SYT16: variants seen among roughly 807,000 people sequenced by gnomAD.
SYT16 encodes the protein synaptotagmin-16.
SYT16 carries 42 observed loss-of-function variants against 61.4 expected under a neutral mutation model. The ratio of observed to expected loss-of-function variants is 0.68; its 90% CI spans 0.53 to 0.89. SYT16 has a LOEUF of 0.89. SYT16 is among the 40% of genes least tolerant of loss of function. The pLI is 0.00. For missense variants in SYT16, 804 were observed against 807.3 expected, an observed-to-expected ratio of 1.00 and a Z score of 0.05; for synonymous variants, 314 against 302.3, an observed-to-expected ratio of 1.04 and a Z score of -0.40.
In SYT16 at chr14:62,075,252, C is replaced by T; in HGVS notation, c.854C>T (p.Thr285Ile). 6.2e-7 allele frequency: 1 copy of T among 1,613,892 alleles called. No individual in the cohort carries two copies. Among genetic ancestry groups the T allele is most frequent in the East Asian group, 2.2e-5 (1 of 44,878 alleles). ...AGAGGGGATGCCAAACACCACGGCA[C>T]ATCTCACCAAGAGTCCAGTGTGGTC... ...CERGDAKHHG[T>I]SHQESSVVQS... The change falls in exon 5 of 8, where the codon ACA becomes ATA. Residue 285 changes from threonine (T) to isoleucine (I), a missense_variant. By Grantham distance (89) the Thr-to-Ile change is moderately conservative. Transcript: ENST00000683842.
intron 3 of SYT16, among the ~76,000 whole-genome samples, chr14:62,058,700 T>C (rs76680507): frequency 0.013 from 1,991 of 152,196 alleles, 19 homozygotes; most frequent in Non-Finnish European, 0.022. Flanking sequence ...TGTTCAAAAG[T>C]AGTTTTATCA....
intron 1 of SYT16, among the ~76,000 whole-genome samples, chr14:61,850,492 GT>G (rs2046580871): frequency 6.6e-6 from 1 of 152,006 alleles, no homozygotes; most frequent in Admixed American, 6.6e-5. Context: ...TTTGTTAGCT[GT>G]TTGCATTTCT....
intron 1 of SYT16, among the ~76,000 whole-genome samples, chr14:61,820,396 G>A (rs1019132004): frequency 1.3e-5 from 2 of 148,958 alleles, no homozygotes; most frequent in African/African-American, 4.9e-5. Context: ...GGGCTTCGTG[G>A]CCTACCCCTC....
chr14:61,892,272 C>G (rs546440165), intron 1 of SYT16, among the ~76,000 whole-genome samples: 1 of 152,190 alleles, frequency 6.6e-6, no homozygotes, highest in East Asian at 1.9e-4. Context: ...TTGCTAATCT[C>G]TCTTTCCATC....
intron 3 of SYT16, among the ~76,000 whole-genome samples, chr14:62,005,971 A>T (rs1321804790): frequency 2.0e-5 from 3 of 152,128 alleles, no homozygotes; most frequent in African/African-American, 4.8e-5. Context: ...AGCTTTATAG[A>T]TGGAGGAGGT....
chr14:61,864,772 G>T (rs1479565672), intron 1 of SYT16: 1 of 948,444 alleles, frequency 1.1e-6, no homozygotes, highest in Non-Finnish European at 1.6e-6. Context: ...TGGCTGGCCG[G>T]TTGGGCCCTA....
chr14:62,011,161 G>A (rs988014509), intron 3 of SYT16, among the ~76,000 whole-genome samples: 4 of 152,134 alleles, frequency 2.6e-5, no homozygotes, highest in African/African-American at 9.7e-5. Context: ...AAAGATAAAG[G>A]TGTGAGCTCA....
chr14:62,092,538 A>G (rs1031952851), intron 7 of SYT16, among the ~76,000 whole-genome samples: 12 of 152,062 alleles, frequency 7.9e-5, no homozygotes, highest in African/African-American at 2.9e-4. Context: ...AAGGAATACT[A>G]TTCAACCTTA....
chr14:62,095,682 T>C (rs1359391283), intron 7 of SYT16, among the ~76,000 whole-genome samples: 1 of 152,006 alleles, frequency 6.6e-6, no homozygotes, highest in Non-Finnish European at 1.5e-5. Flanking sequence ...CAGTTTTTTT[T>C]CCACATTATA....
Position 62,112,000 on chromosome 14 carries a change from A to G in SYT16, c.*11293A>G, listed in dbSNP as rs929079197. The G allele has an allele frequency of 2.0e-5, 3 of 152,128 alleles. No individual in the cohort carries two copies. Among genetic ancestry groups the G allele is most frequent in the African/African-American group, 7.2e-5 (3 of 41,458 alleles). 9.4% of individuals were successfully genotyped at this position (152,128 alleles called of 1,614,324 possible). A position where few individuals can be genotyped will look rare whatever the true frequency, so the allele number is the denominator to read the frequency against. On this transcript the variant is annotated 3_prime_UTR_variant, in exon 8 of 8. Transcript: ENST00000683842. ...CTAAATTTACTTCTATCAGTGGATA[A>G]TTTGTGTATAGGAAAAGGTGTGGAA... is the stretch of plus-strand genomic sequence containing the variant.
At chr14:62,001,779 T>A (rs901152384) in intron 3 of SYT16, among the ~76,000 whole-genome samples, 1 of 151,974 alleles carries the variant, frequency 6.6e-6, no homozygotes, top group South Asian at 2.1e-4. Context: ...GTTTCATCAC[T>A]TTTTTTTCTT....
chr14:61,999,484 C>CT (rs907162076), intron 3 of SYT16, among the ~76,000 whole-genome samples: 4 of 151,392 alleles, frequency 2.6e-5, no homozygotes, highest in African/African-American at 7.3e-5. Context: ...TACTTTTTGT[C>CT]TTTTTTTGTT....
At chr14:62,014,927 C>T (rs1460904924) in intron 3 of SYT16, among the ~76,000 whole-genome samples, 1 of 152,114 alleles carries the variant, frequency 6.6e-6, no homozygotes, top group African/African-American at 2.4e-5. Context: ...ATACTAAGTA[C>T]ACTTTATACC....
chr14:61,998,656 C>A (rs76468137), intron 3 of SYT16, among the ~76,000 whole-genome samples: 6,877 of 151,904 alleles, frequency 0.045, 175 homozygotes, highest in African/African-American at 0.059. Flanking sequence ...TCTATTATTT[C>A]TTTTTCTTGA....
chr14:62,054,860 G>A (rs1329226343), intron 3 of SYT16, among the ~76,000 whole-genome samples: 1 of 152,180 alleles, frequency 6.6e-6, no homozygotes, highest in Non-Finnish European at 1.5e-5. Context: ...GGGATAGGAA[G>A]ACTAGTGAAT....
At chr14:62,033,176 C>G (rs1263620342) in intron 3 of SYT16, among the ~76,000 whole-genome samples, 5 of 151,740 alleles carry the variant, frequency 3.3e-5, no homozygotes, top group Non-Finnish European at 5.9e-5. Context: ...TCTTAAAAAC[C>G]ATAGGACAGT....
intron 1 of SYT16, among the ~76,000 whole-genome samples, chr14:61,903,568 G>C (rs2048597033): frequency 1.3e-5 from 2 of 152,176 alleles, no homozygotes; most frequent in Admixed American, 1.3e-4. Context: ...CAGCAATTCT[G>C]CCTGTTTGGT....
intron 1 of SYT16, among the ~76,000 whole-genome samples, chr14:61,891,311 C>T (rs1337151751): frequency 6.6e-6 from 1 of 151,774 alleles, no homozygotes; most frequent in Non-Finnish European, 1.5e-5. Context: ...GCAAGCACGT[C>T]TTCACCTGTT....
At chr14:62,043,294 A>G (rs2054815936) in intron 3 of SYT16, among the ~76,000 whole-genome samples, 1 of 151,722 alleles carries the variant, frequency 6.6e-6, no homozygotes, top group Non-Finnish European at 1.5e-5. Context: ...TTCGCTATCG[A>G]CTGTGATGCT....
Sources: gnomAD v4.1 joint callset for allele counts (sites outside exome capture counted in the v4.1 genomes callset) on GRCh38, gnomAD v4.1.1 for gene constraint, MANE v1.5 for transcripts, NCBI Gene and HGNC (gene_info 2026-07-23, HGNC 2026-07-21) for gene names.